SCHIP1: variants seen among roughly 807,000 people sequenced by gnomAD.
SCHIP1 encodes the protein schwannomin interacting protein 1.
A neutral mutation model predicts 29.7 loss-of-function variants in SCHIP1; 8 were observed. The observed-to-expected ratio is 0.27, with a 90% CI of 0.16 to 0.49. The LOEUF (loss-of-function observed/expected upper bound fraction) is 0.49. Among genes scored for constraint, SCHIP1 ranks in the 20% least tolerant of loss-of-function variants. The pLI is 0.99. For missense variants in SCHIP1, 193 were observed against 294.6 expected (o/e 0.66, Z 2.52); for synonymous variants, 76 against 94.9 (o/e 0.80, Z 1.16).
At chr3:159,377,131 C>T in the SCHIP1 span, among the ~76,000 whole-genome samples, 1 of 152,146 alleles carries the variant, frequency 6.6e-6, no homozygotes, top group Non-Finnish European at 1.5e-5. Flanking sequence ...GTAGATTAAC[C>T]GTTCAGCTAG....
the SCHIP1 span, among the ~76,000 whole-genome samples, chr3:159,658,273 A>C: frequency 7.9e-5 from 12 of 152,188 alleles, no homozygotes; most frequent in Non-Finnish European, 1.8e-4. Flanking sequence ...TCCAGGTGAC[A>C]GTATCATGGA....
chr3:159,443,004 A>G, the SCHIP1 span, among the ~76,000 whole-genome samples: 1 of 152,230 alleles, frequency 6.6e-6, no homozygotes, highest in Non-Finnish European at 1.5e-5. Flanking sequence ...ATTAATAGGA[A>G]AATCTGACAA....
the SCHIP1 span, among the ~76,000 whole-genome samples, chr3:159,725,810 A>C: frequency 1.3e-5 from 2 of 152,192 alleles, no homozygotes; most frequent in African/African-American, 4.8e-5. Context: ...CTTTATATTT[A>C]TTATAGAAAA....
At chr3:159,770,653 C>A in the SCHIP1 span, among the ~76,000 whole-genome samples, 2 of 152,206 alleles carry the variant, frequency 1.3e-5, no homozygotes, top group Non-Finnish European at 2.9e-5. Context: ...AAGAAGCTGC[C>A]TGTCTTCCAA....
the SCHIP1 span, among the ~76,000 whole-genome samples, chr3:159,562,721 A>G: frequency 2.0e-5 from 3 of 152,176 alleles, no homozygotes; most frequent in South Asian, 2.1e-4. Context: ...TCTTTTCCCA[A>G]TTCATCCTCT....
the SCHIP1 span, among the ~76,000 whole-genome samples, chr3:159,828,010 T>C: frequency 6.6e-6 from 1 of 151,962 alleles, no homozygotes; most frequent in African/African-American, 2.4e-5. Context: ...AGACCTTCAA[T>C]TGAAATCTAA....
the SCHIP1 span, among the ~76,000 whole-genome samples, chr3:159,726,298 C>G: frequency 6.6e-6 from 1 of 152,190 alleles, no homozygotes; most frequent in African/African-American, 2.4e-5. Context: ...GTGTTGCAAA[C>G]CACTGTCTTT....
chr3:159,446,200 C>T, the SCHIP1 span, among the ~76,000 whole-genome samples: 2 of 151,832 alleles, frequency 1.3e-5, no homozygotes, highest in African/African-American at 4.8e-5. Flanking sequence ...TTATTTTCTG[C>T]AACAGAGACA....
At chr3:159,728,820 G>A in the SCHIP1 span, among the ~76,000 whole-genome samples, 12 of 152,200 alleles carry the variant, frequency 7.9e-5, no homozygotes, top group African/African-American at 2.9e-4. Context: ...AGTCAGGCCA[G>A]GGGGTTTTGA....
At chr3:159,342,544 T>C in the SCHIP1 span, among the ~76,000 whole-genome samples, 1 of 152,238 alleles carries the variant, frequency 6.6e-6, no homozygotes, top group Non-Finnish European at 1.5e-5. Flanking sequence ...ATTTTCTTTT[T>C]TTAAAACCAA....
the SCHIP1 span, among the ~76,000 whole-genome samples, chr3:159,311,591 A>G: frequency 6.6e-6 from 1 of 152,284 alleles, no homozygotes; most frequent in Non-Finnish European, 1.5e-5. Context: ...TACGTAATAT[A>G]CACCAAAATA....
chr3:159,710,783 A>T, the SCHIP1 span, among the ~76,000 whole-genome samples: 738 of 152,264 alleles, frequency 4.8e-3, 2 homozygotes, highest in Non-Finnish European at 5.6e-3. Flanking sequence ...AATTTTTTTT[A>T]AAATATGAAT....
chr3:159,701,846 C>T, the SCHIP1 span, among the ~76,000 whole-genome samples: 4 of 151,824 alleles, frequency 2.6e-5, no homozygotes, highest in Admixed American at 1.3e-4. Context: ...TAATAGGAGA[C>T]ATTGGGCAGA....
the SCHIP1 span, among the ~76,000 whole-genome samples, chr3:159,586,478 G>A: frequency 1.3e-5 from 2 of 152,172 alleles, no homozygotes; most frequent in African/African-American, 4.8e-5. Flanking sequence ...CCATCCTAGT[G>A]AATCCTTTAA....
At chr3:159,348,947 G>C in the SCHIP1 span, among the ~76,000 whole-genome samples, 1 of 152,224 alleles carries the variant, frequency 6.6e-6, no homozygotes, top group South Asian at 2.1e-4. Flanking sequence ...TTGAAAAAAT[G>C]AATTTCTACT....
chr3:159,492,577 G>C, the SCHIP1 span, among the ~76,000 whole-genome samples: 1 of 152,150 alleles, frequency 6.6e-6, no homozygotes, highest in East Asian at 1.9e-4. Flanking sequence ...AATGAACAAA[G>C]CCTCCAAGAA....
chr3:159,673,722 G>A, the SCHIP1 span, among the ~76,000 whole-genome samples: 1 of 152,184 alleles, frequency 6.6e-6, no homozygotes, highest in South Asian at 2.1e-4. Context: ...AGAGCTGAGG[G>A]AGAAAGTTAC....
the SCHIP1 span, among the ~76,000 whole-genome samples, chr3:159,490,198 C>G: frequency 1.3e-5 from 2 of 152,062 alleles, no homozygotes; most frequent in Non-Finnish European, 2.9e-5. Flanking sequence ...TTTGGACTAT[C>G]CATCATCTTG....
the SCHIP1 span, among the ~76,000 whole-genome samples, chr3:159,325,627 C>T: frequency 1.3e-5 from 2 of 151,998 alleles, no homozygotes; most frequent in African/African-American, 2.4e-5. Flanking sequence ...GGGATACATT[C>T]TTTTTATACT....
Sources: allele counts gnomAD v4.1 joint callset (sites outside exome capture counted in the v4.1 genomes callset), GRCh38; gene constraint gnomAD v4.1.1; transcripts MANE v1.5; gene names NCBI Gene and HGNC (gene_info 2026-07-23, HGNC 2026-07-21).